XKR8: variants seen among roughly 807,000 people sequenced by gnomAD.
XKR8 encodes the protein XK related 8.
A neutral mutation model predicts 17.1 loss-of-function variants in XKR8; 10 were observed. The ratio of observed to expected loss-of-function variants is 0.59; its 90% CI spans 0.36 to 0.99. The LOEUF is 0.99. Among genes scored for constraint, XKR8 ranks in the 50% least tolerant of loss-of-function variants. XKR8 has a pLI of 0.01. For missense variants in XKR8, 411 were observed against 515.6 expected (o/e 0.80, Z 1.96); for synonymous variants, 213 against 251.9 (o/e 0.85, Z 1.46).
chr1:27,960,707 G>T lies in XKR8; in HGVS notation c.293+345G>T, dbSNP rs948484587. Among the ~76,000 whole-genome samples the T allele has an allele frequency of 6.6e-6, 1 of 152,212 alleles. No individual in the cohort carries two copies. The highest frequency in any genetic ancestry group is 1.5e-5 in the Non-Finnish European group (1 of 68,034). ...TTTCTCTGAGCCTCAGTTTCCTCCT[G>T]CGTAGAAAGGAGGTAGTCACCCTGA... is the stretch of plus-strand genomic sequence containing the variant. On this transcript the variant is annotated intron_variant, in intron 1 of 2. Coordinates refer to ENST00000373884, the MANE Select transcript of XKR8 (RefSeq NM_018053.4). The surrounding 1 kb of genome is among the most constrained non-coding windows in gnomAD (Gnocchi z 5.9).
intron 1 of XKR8, among the ~76,000 whole-genome samples, chr1:27,961,502 G>A (rs777694397): frequency 9.2e-5 from 14 of 152,334 alleles, no homozygotes; most frequent in Non-Finnish European, 1.8e-4. Flanking sequence ...AGAAAACCCC[G>A]GGTGGGCATG....
Position 27,966,581 on chromosome 1 carries a change from C to A in XKR8, c.569C>A (p.Pro190His). 6.2e-7 allele frequency: 1 copy of A among 1,614,174 alleles called. No homozygotes were observed. Among genetic ancestry groups the A allele is most frequent in the Non-Finnish European group, 8.5e-7 (1 of 1,180,014 alleles). ...DYHRALRTCL[P>H]SKPLLGLGSS... is the part of the protein sequence containing the mutation. ...CACCGGGCCTTGCGCACCTGCCTCC[C>A]CTCCAAGCCGCTCCTGGGCCTGGGC... Residue 190 changes from proline (P) to histidine (H), a missense_variant, in exon 3 of 3, where the codon CCC becomes CAC. By Grantham distance (77) the Pro-to-His change is moderately conservative (BLOSUM62 -2). Transcript: ENST00000373884. The surrounding 1 kb of genome is among the most constrained non-coding windows in gnomAD (Gnocchi z 4.3).
rs181071688 is a variant in XKR8, at chr1:27,963,868, A to G, written c.490+175A>G. Among the ~76,000 whole-genome samples the G allele has an allele frequency of 2.8e-3, 425 of 152,366 alleles. 6 individuals are homozygous for G. The highest frequency in any genetic ancestry group is 1.6e-3 in the Non-Finnish European group (109 of 68,042). On this transcript the variant is annotated intron_variant, in intron 2 of 2. Coordinates refer to ENST00000373884, the MANE Select transcript of XKR8 (RefSeq NM_018053.4). ...CTCTACAGCTGTTTGAGTTTGGACA[A>G]ATGCCTTGACCTCTCTGAGTATGTT...
At position 27,960,431 on chromosome 1, in the gene XKR8, C is replaced by A; in HGVS notation, c.293+69C>A. The stretch of plus-strand genomic sequence containing the variant: ...ACCTCCGTCAGCTGGGTCACCTGTA[C>A]AGGTGACACGCCATATGCCGGGAAG... On this transcript the variant is annotated intron_variant, in intron 1 of 2. Coordinates refer to ENST00000373884, the MANE Select transcript of XKR8 (RefSeq NM_018053.4). This position sits in a 1 kb window ranked among gnomAD's most constrained non-coding sequence, Gnocchi z 5.9. 1 of 1,325,426 alleles carries A rather than the reference C, an allele frequency of 7.5e-7. No individual in the cohort carries two copies. Among genetic ancestry groups the A allele is most frequent in the Admixed American group, 3.9e-5 (1 of 25,348 alleles). The allele number at this position is 1,325,426 out of a possible 1,614,324, so 82.1% of individuals were successfully genotyped here. A position where few individuals can be genotyped will look rare whatever the true frequency, so the allele number is the denominator to read the frequency against.
rs1332407296 is a variant in XKR8, at chr1:27,960,189, C to T, written c.120C>T (p.Gly40=). 8 of 1,526,656 alleles carry T rather than the reference C, an allele frequency of 5.2e-6. No individual in the cohort carries two copies. Among genetic ancestry groups the T allele is most frequent in the African/African-American group, 1.4e-5 (1 of 71,470 alleles). The allele number at this position is 1,526,656 out of a possible 1,614,324, so 94.6% of individuals were successfully genotyped here. ...GGGCCGCCGTCCAGTATGCGCTCGGCGGCCGCTACCTGTGGGCGGCGCTGG... is the reference window on the plus strand; with the variant it reads ...GGGCCGCCGTCCAGTATGCGCTCGGTGGCCGCTACCTGTGGGCGGCGCTGG... The part of the protein sequence containing the change: ...DLWAAVQYAL[G]GRYLWAALVL... Residue 40 remains glycine (G), a synonymous_variant, in exon 1 of 3, where the codon GGC becomes GGT. Transcript: ENST00000373884. This position sits in a 1 kb window ranked among gnomAD's most constrained non-coding sequence, Gnocchi z 5.9.
At chr1:27,961,484 G>C (rs1638469161) in intron 1 of XKR8, among the ~76,000 whole-genome samples, 1 of 152,182 alleles carries the variant, frequency 6.6e-6, no homozygotes, top group Non-Finnish European at 1.5e-5. Context: ...AGGGATTATA[G>C]AGACATCAGA....
chr1:27,962,863 G>A (rs540493774), intron 1 of XKR8, among the ~76,000 whole-genome samples: 154 of 152,286 alleles, frequency 1.0e-3, no homozygotes, highest in Non-Finnish European at 8.5e-4. Context: ...AAAATGTTGG[G>A]ATTACAGGCG....
intron 2 of XKR8, 66 bp downstream of exon 2, chr1:27,963,759 C>T: frequency 7.0e-7 from 1 of 1,422,578 alleles, no homozygotes; most frequent in Non-Finnish European, 9.3e-7. Context: ...AATGTTGGAA[C>T]TGTTTTTAGT....
intron 2 of XKR8, chr1:27,964,245 T>C (rs563982596): frequency 2.1e-5 from 3 of 142,420 alleles, no homozygotes; most frequent in Non-Finnish European, 3.0e-5. Context: ...AGTAACCTCC[T>C]ACCTCAGCCT....
chr1:27,962,961 G>T (rs1638496409), intron 1 of XKR8, among the ~76,000 whole-genome samples: 1 of 152,184 alleles, frequency 6.6e-6, no homozygotes, highest in Admixed American at 6.5e-5. Context: ...ACAGGACAAG[G>T]TTTGTGATGA....
chr1:27,960,075 C>T lies in XKR8; in HGVS notation c.6C>T (p.Pro2=), dbSNP rs1203371961. 7 of 1,459,272 alleles carry T rather than the reference C, an allele frequency of 4.8e-6. No homozygotes were observed. The highest frequency in any genetic ancestry group is 2.4e-4 in the Middle Eastern group (1 of 4,252). The allele number at this position is 1,459,272 out of a possible 1,614,324, so 90.4% of individuals were successfully genotyped here. A position where few individuals can be genotyped will look rare whatever the true frequency, so the allele number is the denominator to read the frequency against. The change falls in exon 1 of 3, where the codon CCC becomes CCT. Residue 2 remains proline, a synonymous_variant. Transcript: ENST00000373884. This position sits in a 1 kb window ranked among gnomAD's most constrained non-coding sequence, Gnocchi z 5.9. M[P]WSSRGALLRD... is the part of the protein sequence containing the mutation. The stretch of plus-strand genomic sequence containing the variant: ...AGGGCGGAGGCCGGCGGGCCATGCC[C>T]TGGTCGTCCCGCGGCGCCCTCCTTC...
chr1:27,959,989 T>C lies in XKR8; in HGVS notation c.-81T>C. ...GGCCGCCCCGAGGGCTGCGCCCACC[T>C]CCTTCCTGCCTCGGCAACCCCGGGC... On this transcript the variant is annotated 5_prime_UTR_variant, in exon 1 of 3. Transcript: ENST00000373884. The C allele has an allele frequency of 7.8e-7, 1 of 1,288,930 alleles. No individual in the cohort carries two copies. The highest frequency in any genetic ancestry group is 1.0e-6 in the Non-Finnish European group (1 of 1,003,582). The allele number at this position is 1,288,930 out of a possible 1,614,324, so 79.8% of individuals were successfully genotyped here. A position where few individuals can be genotyped will look rare whatever the true frequency, so the allele number is the denominator to read the frequency against.
chr1:27,963,475 G>C (rs1638509190), intron 1 of XKR8, 22 bp from the exon 2 acceptor site: 1 of 1,589,512 alleles, frequency 6.3e-7, no homozygotes, highest in Non-Finnish European at 8.6e-7. Context: ...TGGCCCTCTG[G>C]GCATTTGTGT....
At chr1:27,963,010 A>C (rs748722144) in intron 1 of XKR8, among the ~76,000 whole-genome samples, 8 of 152,016 alleles carry the variant, frequency 5.3e-5, no homozygotes, top group Non-Finnish European at 1.0e-4. Context: ...TAGAAGGTGT[A>C]TTGATCCCCA....
rs71642221 is a variant in XKR8, at chr1:27,965,076, C to G, written c.490+1383C>G. ...TATTAGCCAGGCCCTGTGGGAAGCA[C>G]TTACAGTCATCATTGCTCATGTTCA... is the stretch of plus-strand genomic sequence containing the variant. On this transcript the variant is annotated intron_variant, in intron 2 of 2. Transcript: ENST00000373884. This position sits in a 1 kb window ranked among gnomAD's most constrained non-coding sequence, Gnocchi z 4.1. Among the ~76,000 whole-genome samples, 5,294 of 152,316 alleles carry G rather than the reference C, an allele frequency of 0.035. 145 individuals are homozygous for G. Among genetic ancestry groups the G allele is most frequent in the Non-Finnish European group, 0.05 (3,435 of 68,020 alleles).
rs754797378 is a variant in XKR8 at position 27,963,686 on chromosome 1, C to T, written c.483C>T (p.Tyr161=). ...TGCTGCAGAGTGGCCGGGCTGAGTA[C>T]TACCAGTGTGAGTGAAGGCCTGTGG... ...AIMLQSGRAE[Y]YQWVGICTSF... Residue 161 remains tyrosine, a synonymous_variant, in exon 2 of 3, where the codon TAC becomes TAT. Transcript: ENST00000373884. 5 of 1,563,770 alleles carry T rather than the reference C, an allele frequency of 3.2e-6. No individual in the cohort carries two copies. Among genetic ancestry groups the T allele is most frequent in the South Asian group, 2.3e-5 (2 of 85,546 alleles).
Position 27,960,038 on chromosome 1 carries a change from G to A in XKR8, c.-32G>A, listed in dbSNP as rs770623594. The A allele has an allele frequency of 4.8e-5, 67 of 1,381,734 alleles. No individual in the cohort carries two copies. In the Admixed American group the frequency reaches 1.1e-3, roughly 22 times the overall value. 85.6% of individuals were successfully genotyped at this position (1,381,734 alleles called of 1,614,324 possible). ...GCCCTGAGGGCAGGCCCCAACCGCG[G>A]AGGAGCAGGAGAGGGCGGAGGCCGG... On this transcript the variant is annotated 5_prime_UTR_variant, in exon 1 of 3. Coordinates refer to ENST00000373884, the MANE Select transcript of XKR8 (RefSeq NM_018053.4). This position sits in a 1 kb window ranked among gnomAD's most constrained non-coding sequence, Gnocchi z 5.9.
In XKR8 at chr1:27,966,544, C is replaced by A; in HGVS notation, c.532C>A (p.Leu178Met). Residue 178 changes from leucine (L) to methionine (M), a missense_variant, in exon 3 of 3, where the codon CTG becomes ATG. Coordinates refer to ENST00000373884, the MANE Select transcript of XKR8 (RefSeq NM_018053.4). This position sits in a 1 kb window ranked among gnomAD's most constrained non-coding sequence, Gnocchi z 4.3. ...ATCCTTCCTGGGCATCTCGTGGGCA[C>A]TGCTCGACTACCACCGGGCCTTGCG... ...CTSFLGISWA[L>M]LDYHRALRTC... 6.2e-7 allele frequency: 1 copy of A among 1,613,876 alleles called. No homozygotes were observed. Among genetic ancestry groups the A allele is most frequent in the South Asian group, 1.1e-5 (1 of 91,064 alleles).
Position 27,966,768 on chromosome 1 carries a change from G to A in XKR8, c.756G>A (p.Met252Ile), listed in dbSNP as rs1329197636. Reference protein sequence around the residue: ...LWVWLQGTDFMPDPSSEWLYR... With the variant: ...LWVWLQGTDFIPDPSSEWLYR... ...TCTGGCTTCAGGGCACAGACTTCAT[G>A]CCGGACCCCAGCTCCGAGTGGCTGT... is the stretch of plus-strand genomic sequence containing the variant. The change falls in exon 3 of 3, where the codon ATG (methionine) becomes ATA (isoleucine). Residue 252 changes from methionine to isoleucine, a missense_variant. Transcript: ENST00000373884. This position sits in a 1 kb window ranked among gnomAD's most constrained non-coding sequence, Gnocchi z 4.3. The A allele has an allele frequency of 6.2e-7, 1 of 1,614,010 alleles. No homozygotes were observed. The highest frequency in any genetic ancestry group is 2.2e-5 in the East Asian group (1 of 44,888).
Sources: gnomAD v4.1 joint callset for allele counts (sites outside exome capture counted in the v4.1 genomes callset) on GRCh38, gnomAD v4.1.1 for gene constraint, Gnocchi (gnomAD v3.1) non-coding constraint, MANE v1.5 for transcripts, NCBI Gene and HGNC (gene_info 2026-07-23, HGNC 2026-07-21) for gene names.